LRRC40: variants seen among roughly 807,000 people sequenced by gnomAD.
LRRC40 encodes the protein leucine rich repeat containing 40.
In LRRC40, 76 loss-of-function variants were observed where a neutral mutation model predicts 72.8. That is an observed-to-expected ratio of 1.04 (90% CI 0.87 to 1.26). The LOEUF is 1.26. Ranked by LOEUF, LRRC40 falls within the 50% of genes most tolerant of loss-of-function variation. The pLI is 0.00. For synonymous variants in LRRC40, 243 were observed against 254.2 expected (o/e 0.96, Z 0.42); for missense variants, 684 against 698.9 (o/e 0.98, Z 0.24).
intron 9 of LRRC40, among the ~76,000 whole-genome samples, chr1:70,165,930 T>C (rs1454600303): frequency 2.0e-5 from 3 of 152,192 alleles, no homozygotes; most frequent in Non-Finnish European, 2.9e-5. Context: ...ACAGAGAAAA[T>C]ACTTATTACC....
chr1:70,155,039 T>C (rs1218886752), intron 11 of LRRC40, among the ~76,000 whole-genome samples: 1 of 152,152 alleles, frequency 6.6e-6, no homozygotes, highest in Admixed American at 6.5e-5. Flanking sequence ...CAGCTTTCTT[T>C]GGGTATATAG....
chr1:70,157,005 C>T (rs780655289), intron 10 of LRRC40, among the ~76,000 whole-genome samples: 2 of 152,016 alleles, frequency 1.3e-5, no homozygotes, highest in African/African-American at 2.4e-5. Flanking sequence ...AATAATTAGC[C>T]ATTATCCTTA....
rs1231141502 is a variant in LRRC40, at chr1:70,152,488, A to C, written c.1384T>G (p.Ser462Ala). Reference protein sequence around the residue: ...SDVDLSFNKLSFISLELCVLQ... With the variant: ...SDVDLSFNKLAFISLELCVLQ... The stretch of plus-strand genomic sequence containing the variant: ...ACACATAACTCCAAGGATATAAAGG[A>C]AAGTTTATTAAAACTGAGATCGACA... Residue 462 changes from serine (S) to alanine (A), a missense_variant, in exon 12 of 15, where the codon TCC (serine) becomes GCC (alanine). Physicochemically the swap from Ser to Ala is moderately conservative, Grantham distance 99. Coordinates refer to ENST00000370952, the MANE Select transcript of LRRC40 (RefSeq NM_017768.5). The C allele has an allele frequency of 6.2e-7, 1 of 1,608,860 alleles. No homozygotes were observed. The highest frequency in any genetic ancestry group is 1.1e-5 in the South Asian group (1 of 90,760).
intron 12 of LRRC40, 62 bp from the exon 13 acceptor site, chr1:70,151,267 T>TA: frequency 1.3e-6 from 1 of 761,874 alleles, no homozygotes; most frequent in Non-Finnish European, 2.3e-6. Flanking sequence ...GTTTAATTTA[T>TA]AATTAAAATA....
chr1:70,164,028 T>G (rs911626253), intron 9 of LRRC40, among the ~76,000 whole-genome samples: 2 of 152,144 alleles, frequency 1.3e-5, no homozygotes, highest in Non-Finnish European at 2.9e-5. Context: ...TGCTGTGTCC[T>G]CATATGGCAT....
At chr1:70,179,788 C>T (rs1668202026) in intron 5 of LRRC40, among the ~76,000 whole-genome samples, 1 of 151,938 alleles carries the variant, frequency 6.6e-6, no homozygotes, top group Non-Finnish European at 1.5e-5. Flanking sequence ...TTATAATATC[C>T]TTATTGAAAA....
intron 1 of LRRC40, among the ~76,000 whole-genome samples, chr1:70,193,051 T>C (rs886511600): frequency 7.2e-5 from 11 of 152,060 alleles, no homozygotes; most frequent in African/African-American, 2.7e-4. Context: ...ATGTCTAGTG[T>C]TGCTTCATCT....
intron 5 of LRRC40, 91 bp downstream of exon 5, chr1:70,180,995 T>A (rs1336391025): frequency 1.1e-6 from 1 of 934,082 alleles, no homozygotes; most frequent in East Asian, 3.1e-5. Context: ...TCTACTACTT[T>A]AGTTCTCTGT....
chr1:70,176,768 T>G (rs1668115425), intron 6 of LRRC40, among the ~76,000 whole-genome samples: 1 of 151,996 alleles, frequency 6.6e-6, no homozygotes, highest in Non-Finnish European at 1.5e-5. Flanking sequence ...TTGTGACAAT[T>G]TGAAAACACT....
chr1:70,193,228 T>C (rs1174524215), intron 1 of LRRC40, among the ~76,000 whole-genome samples: 1 of 151,716 alleles, frequency 6.6e-6, no homozygotes, highest in Non-Finnish European at 1.5e-5. Flanking sequence ...GACTAATAAA[T>C]TGATAAACCC....
chr1:70,175,743 A>G (rs1305829128), intron 7 of LRRC40, 67 bp downstream of exon 7: 1 of 1,188,736 alleles, frequency 8.4e-7, no homozygotes, highest in African/African-American at 1.6e-5. Flanking sequence ...TTTTTAACAA[A>G]TATTTCAAAT....
rs1436986582 is a variant in LRRC40 at position 70,184,780 on chromosome 1, CT to C, written c.537+4del. 6.3e-7 allele frequency: 1 copy of C among 1,593,192 alleles called. No homozygotes were observed. Among genetic ancestry groups the C allele is most frequent in the Admixed American group, 1.8e-5 (1 of 54,300 alleles). On this transcript the variant is annotated splice_donor_region_variant and intron_variant, in intron 4 of 14. Coordinates refer to ENST00000370952, the MANE Select transcript of LRRC40 (RefSeq NM_017768.5). Reference sequence around the variant, plus strand: ...TTGTACAAAAATTGGAAAATCAGAACTTACTAAATCTTCTAAATTGGAAAGT... The same window carrying C: ...TTGTACAAAAATTGGAAAATCAGAACTACTAAATCTTCTAAATTGGAAAGT...
intron 2 of LRRC40, among the ~76,000 whole-genome samples, chr1:70,187,893 A>AGAAGAGAAGAGAAGAGAAGAGAAGT (rs1182036808): frequency 1.4e-5 from 2 of 145,476 alleles, no homozygotes; most frequent in African/African-American, 2.5e-5. Flanking sequence ...AGAAGAGAAG[A>AGAAGAGAAGAGAAGAGAAGAGAAGT]GAAGTCATGA....
At chr1:70,170,896 G>T (rs1201592636) in intron 9 of LRRC40, among the ~76,000 whole-genome samples, 1 of 152,048 alleles carries the variant, frequency 6.6e-6, no homozygotes, top group Admixed American at 6.6e-5. Context: ...GCAATCCTGA[G>T]AAACAAGAGG....
At chr1:70,164,988 A>ATT (rs900925124) in intron 9 of LRRC40, among the ~76,000 whole-genome samples, 3 of 152,196 alleles carry the variant, frequency 2.0e-5, no homozygotes, top group African/African-American at 4.8e-5. Context: ...TTGTAGGGTA[A>ATT]TTCCACACAA....
At chr1:70,173,197 T>C (rs1226336996) in intron 9 of LRRC40, among the ~76,000 whole-genome samples, 2 of 152,062 alleles carry the variant, frequency 1.3e-5, no homozygotes, top group Non-Finnish European at 2.9e-5. Context: ...TACTAAGTGC[T>C]TACTGAATCT....
intron 1 of LRRC40, among the ~76,000 whole-genome samples, chr1:70,192,444 C>G (rs1473863486): frequency 6.6e-6 from 1 of 152,068 alleles, no homozygotes; most frequent in Admixed American, 6.6e-5. Context: ...TACCATTTGA[C>G]CCAGCAATCT....
At chr1:70,187,116 T>C (rs1668377544) in intron 3 of LRRC40, 149 bp downstream of exon 3, 1 of 489,192 alleles carries the variant, frequency 2.0e-6, no homozygotes, top group East Asian at 3.7e-5. Flanking sequence ...AACTAAGAAT[T>C]AAAGCTTTAA....
chr1:70,184,334 T>C (rs757913730), intron 4 of LRRC40, among the ~76,000 whole-genome samples: 1 of 152,132 alleles, frequency 6.6e-6, no homozygotes, highest in Non-Finnish European at 1.5e-5. Flanking sequence ...AGTGAAACAA[T>C]GGAATTAAAA....
Sources: gnomAD v4.1 joint callset for allele counts (sites outside exome capture counted in the v4.1 genomes callset) on GRCh38, gnomAD v4.1.1 for gene constraint, MANE v1.5 for transcripts, NCBI Gene and HGNC (gene_info 2026-07-23, HGNC 2026-07-21) for gene names.